Variants in ABCA7 observed in about 807,000 individuals in gnomAD.
The protein encoded by ABCA7 is phospholipid-transporting ATPase ABCA7.
Under a neutral mutation model 227.6 loss-of-function variants are expected in ABCA7, and 261 were observed. The observed-to-expected ratio is 1.15, with a 90% CI of 1.04 to 1.27. ABCA7 has a LOEUF of 1.27. Ranked by LOEUF, ABCA7 falls within the 50% of genes most tolerant of loss-of-function variation. The pLI is 0.00. For missense variants in ABCA7, 3,331 were observed against 2,924.5 expected, an observed-to-expected ratio of 1.14 and a Z score of -3.21; for synonymous variants, 1,488 against 1,279.7, an observed-to-expected ratio of 1.16 and a Z score of -3.47.
chr19:1,044,322 A>T (rs1271400601), intron 10 of ABCA7, among the ~76,000 whole-genome samples: 1 of 141,456 alleles, frequency 7.1e-6, no homozygotes, highest in Non-Finnish European at 1.5e-5. Flanking sequence ...ATCTTGGCTC[A>T]CTGCAACCTC....
In ABCA7 at chr19:1,062,229, T is replaced by C; in HGVS notation, c.5628T>C (p.Asp1876=). The C allele has an allele frequency of 1.9e-6, 3 of 1,612,394 alleles. No homozygotes were observed. The highest frequency in any genetic ancestry group is 2.5e-6 in the Non-Finnish European group (3 of 1,179,808). The part of the protein sequence containing the change: ...HLSMGYCPQS[D]AIFELLTGRE... ...GCATGGGATACTGCCCTCAATCCGA[T>C]GCCATCTTTGAGCTGCTGACGGGCC... Residue 1876 remains aspartate, a synonymous_variant, in exon 42 of 47, where the codon GAT becomes GAC. Transcript: ENST00000263094.
chr19:1,055,336 G>T lies in ABCA7; in HGVS notation c.4190G>T (p.Arg1397Leu). The change falls in exon 30 of 47, where the codon CGC becomes CTC. Residue 1397 changes from arginine to leucine, a missense_variant. Arg to Leu is a moderately radical substitution (Grantham distance 102). Coordinates refer to ENST00000263094, the MANE Select transcript of ABCA7 (RefSeq NM_019112.4). ...LSDFLVKTYP[R>L]LVRQGLKTKK... ...GACTTCCTGGTCAAGACCTACCCGC[G>T]CCTGGTGCGCCAGGGGTGAGCCATG... The T allele has an allele frequency of 6.3e-7, 1 of 1,589,478 alleles. No homozygotes were observed.
rs776835870 is a variant in ABCA7, at chr19:1,044,646, C to T, written c.1117C>T (p.Leu373=). ...RPGGRDHMEA[L]RSFLDPGSGG... Reference sequence around the variant, plus strand: ...TGGAGGCCGGGACCACATGGAGGCCCTGCGATCCTTTCTGGACCCTGGGAG... The same window carrying T: ...TGGAGGCCGGGACCACATGGAGGCCTTGCGATCCTTTCTGGACCCTGGGAG... The change falls in exon 11 of 47, where the codon CTG becomes TTG. Residue 373 remains leucine, a synonymous_variant. Coordinates refer to ENST00000263094, the MANE Select transcript of ABCA7 (RefSeq NM_019112.4). The T allele has an allele frequency of 1.2e-6, 2 of 1,613,244 alleles. No homozygotes were observed. Among genetic ancestry groups the T allele is most frequent in the Non-Finnish European group, 1.7e-6 (2 of 1,179,968 alleles).
At chr19:1,061,910 C>T (rs766223758) in intron 41 of ABCA7, 22 bp downstream of exon 41, 10 of 1,531,836 alleles carry the variant, frequency 6.5e-6, no homozygotes, top group Non-Finnish European at 8.7e-6. Context: ...CAGGTAGGGT[C>T]AGGGTGGGGC....
rs372069927 is a variant in ABCA7 at position 1,065,140 on chromosome 19, A to G, written c.6254A>G (p.Asp2085Gly). The G allele has an allele frequency of 6.3e-7, 1 of 1,591,330 alleles. No homozygotes were observed. The highest frequency in any genetic ancestry group is 1.1e-5 in the South Asian group (1 of 89,424). Reference protein sequence around the residue: ...AVHGAEHGVEDFSVSQTMLEE... With the variant: ...AVHGAEHGVEGFSVSQTMLEE... ...CACGGCGCAGAGCACGGCGTGGAGG[A>G]CTTTTCCGTGAGCCAGACGATGCTG... is the stretch of plus-strand genomic sequence containing the variant. Residue 2085 changes from aspartate to glycine, a missense_variant, in exon 46 of 47, where the codon GAC (aspartate) becomes GGC (glycine). Coordinates refer to ENST00000263094, the MANE Select transcript of ABCA7 (RefSeq NM_019112.4).
intron 23 of ABCA7, among the ~76,000 whole-genome samples, chr19:1,053,084 G>A (rs1002000025): frequency 6.6e-5 from 10 of 152,178 alleles, no homozygotes; most frequent in African/African-American, 2.4e-4. Flanking sequence ...GGTAGAAATG[G>A]GGTTTCACCA....
At position 1,059,059 on chromosome 19, in the gene ABCA7, T is replaced by C; in HGVS notation, c.5437T>C (p.Leu1813=). The C allele has an allele frequency of 6.2e-7, 1 of 1,613,720 alleles. No individual in the cohort carries two copies. The highest frequency in any genetic ancestry group is 8.5e-7 in the Non-Finnish European group (1 of 1,179,948). ...RGQRMPAVDR[L]CLGIPPGECF... is the part of the protein sequence containing the mutation. ...GCAGAGGATGCCAGCTGTTGACCGCTTGTGCCTGGGGATTCCCCCTGGTGA... is the reference window on the plus strand; with the variant it reads ...GCAGAGGATGCCAGCTGTTGACCGCCTGTGCCTGGGGATTCCCCCTGGTGA... Residue 1813 remains leucine (L), a synonymous_variant, in exon 40 of 47, where the codon TTG becomes CTG. Coordinates refer to ENST00000263094, the MANE Select transcript of ABCA7 (RefSeq NM_019112.4).
intron 30 of ABCA7, 134 bp from the exon 31 acceptor site, chr19:1,055,773 A>T: frequency 1.1e-6 from 1 of 910,638 alleles, no homozygotes; most frequent in Non-Finnish European, 1.6e-6. Context: ...AAGTGTTGGG[A>T]TTACAGGCAG....
intron 42 of ABCA7, 148 bp downstream of exon 42, chr19:1,062,461 C>T (rs954228420): frequency 3.1e-6 from 4 of 1,289,668 alleles, no homozygotes; most frequent in Non-Finnish European, 2.1e-6. Context: ...CCCTATACCT[C>T]TGTCCCCCAT....
chr19:1,050,425 T>C (rs570799140), intron 18 of ABCA7, among the ~76,000 whole-genome samples: 70 of 136,100 alleles, frequency 5.1e-4, no homozygotes, highest in African/African-American at 1.9e-3. Context: ...AAAATAAAAA[T>C]AAACAAATAA....
In ABCA7 at chr19:1,065,119, G is replaced by T; in HGVS notation, c.6233G>T (p.Gly2078Val). 6.3e-7 allele frequency: 1 copy of T among 1,589,798 alleles called. No homozygotes were observed. The highest frequency in any genetic ancestry group is 2.3e-5 in the East Asian group (1 of 43,694). ...ARVFGELAVH[G>V]AEHGVEDFSV... ...GTCTTTGGAGAGCTGGCGGTGCACG[G>T]CGCAGAGCACGGCGTGGAGGACTTT... Residue 2078 changes from glycine (G) to valine (V), a missense_variant, in exon 46 of 47, where the codon GGC becomes GTC. Physicochemically the swap from Gly to Val is moderately radical, Grantham distance 109 (BLOSUM62 -3). Transcript: ENST00000263094.
At position 1,042,397 on chromosome 19, in the gene ABCA7, G is replaced by C. The variant is rs369528566; in HGVS notation, c.498G>C (p.Thr166=). 56 of 1,610,406 alleles carry C rather than the reference G, an allele frequency of 3.5e-5. No homozygotes were observed. Among genetic ancestry groups the C allele is most frequent in the East Asian group, 2.0e-4 (9 of 44,752 alleles). ...VAELLTSLLR[T]ESLGLALGQA... ...AGCTGCTGACGTCACTGCTGCGCAC[G>C]GTAGGGTGTCGGGGCGGGACCGCGC... The change falls in exon 6 of 47, where the codon ACG becomes ACC. Residue 166 remains threonine, a splice_region_variant and synonymous_variant. Coordinates refer to ENST00000263094, the MANE Select transcript of ABCA7 (RefSeq NM_019112.4).
chr19:1,047,187 G>T lies in ABCA7; in HGVS notation c.1876G>T (p.Gly626Cys). Residue 626 changes from glycine to cysteine, a missense_variant, in exon 15 of 47, where the codon GGC becomes TGC. By Grantham distance (159) the Gly-to-Cys change is radical. Transcript: ENST00000263094. ...AGACATCCTCCCCTACAGCCACCCG[G>T]GCGTGGTCTTCCTGTTCTTGGCAGC... ...LGDILPYSHPGVVFLFLAAFA... is the reference protein window; with the variant it reads ...LGDILPYSHPCVVFLFLAAFA... The T allele has an allele frequency of 1.2e-6, 2 of 1,605,468 alleles. No individual in the cohort carries two copies. The highest frequency in any genetic ancestry group is 1.7e-6 in the Non-Finnish European group (2 of 1,177,846).
chr19:1,059,124 G>T, intron 40 of ABCA7, 39 bp downstream of exon 40: 1 of 1,598,476 alleles, frequency 6.3e-7, no homozygotes, highest in Non-Finnish European at 8.5e-7. Context: ...GGGACAGTGA[G>T]TGGCTGCCCT....
Position 1,043,198 on chromosome 19 carries a change from T to A in ABCA7, c.737T>A (p.Leu246Gln), listed in dbSNP as rs531020536. The A allele has an allele frequency of 5.6e-6, 9 of 1,608,996 alleles. No individual in the cohort carries two copies. In the East Asian group the frequency reaches 1.6e-4, roughly 28 times the overall value. ...PSLNWYEASD[L>Q]MELVGQEPES... ...CTCAACTGGTACGAGGCTAGTGACC[T>A]GATGGAGCTGGTGGGGCAGGAGCCA... The change falls in exon 8 of 47, where the codon CTG becomes CAG. Residue 246 changes from leucine to glutamine, a missense_variant. By Grantham distance (113) the Leu-to-Gln change is moderately radical. Coordinates refer to ENST00000263094, the MANE Select transcript of ABCA7 (RefSeq NM_019112.4).
In ABCA7 at chr19:1,056,886, C is replaced by G. The variant is rs368796002; in HGVS notation, c.4587-21C>G. The G allele has an allele frequency of 1.2e-6, 2 of 1,608,230 alleles. No homozygotes were observed. Among genetic ancestry groups the G allele is most frequent in the Non-Finnish European group, 1.7e-6 (2 of 1,176,350 alleles). ...CCCATGCACCCTCACCCTACAACAG[C>G]TCTCATGTCTTCACCTCCAGGATGG... On this transcript the variant is annotated intron_variant, in intron 33 of 46. Transcript: ENST00000263094. This position sits in a 1 kb window ranked among gnomAD's most constrained non-coding sequence, Gnocchi z 4.3.
rs546030917 is a variant in ABCA7 at position 1,055,152 on chromosome 19, T to C, written c.4006T>C (p.Trp1336Arg). 5.8e-5 allele frequency: 94 copies of C among 1,612,912 alleles called. No individual in the cohort carries two copies. In the Middle Eastern group the frequency reaches 2.6e-3, roughly 45 times the overall value. ...EVAKVLASGN[W>R]TPESPSPACQ... ...GGCCAAGGTCTTGGCCAGTGGCAACTGGACCCCAGAGTCTCCATCCCCAGC... is the reference window on the plus strand; with the variant it reads ...GGCCAAGGTCTTGGCCAGTGGCAACCGGACCCCAGAGTCTCCATCCCCAGC... The change falls in exon 30 of 47, where the codon TGG becomes CGG. Residue 1336 changes from tryptophan (W) to arginine (R), a missense_variant. Transcript: ENST00000263094.
chr19:1,062,371 T>C (rs34606911), intron 42 of ABCA7, 58 bp downstream of exon 42: 528,947 of 1,579,334 alleles, frequency 0.33, 92,057 homozygotes, highest in Middle Eastern at 0.4. Context: ...ACCCAGGCCG[T>C]GCCTCTAAAG....
In ABCA7 at chr19:1,056,253, G is replaced by A. The variant is rs562904113; in HGVS notation, c.4416+10G>A. 22 of 1,588,180 alleles carry A rather than the reference G, an allele frequency of 1.4e-5. No homozygotes were observed. The Admixed American group carries it at 3.2e-4, about 23-fold the overall frequency. On this transcript the variant is annotated intron_variant, in intron 32 of 46. Transcript: ENST00000263094. This position sits in a 1 kb window ranked among gnomAD's most constrained non-coding sequence, Gnocchi z 4.3. ...TCAGGACAGTCTCAAGGTGGGAACT[G>A]GGGGGGCAGGTGGGCGTCCTGTCAC...
Sources: allele counts gnomAD v4.1 joint callset (sites outside exome capture counted in the v4.1 genomes callset), GRCh38; gene constraint gnomAD v4.1.1; non-coding constraint Gnocchi (gnomAD v3.1); transcripts MANE v1.5; gene names NCBI Gene and HGNC (gene_info 2026-07-23, HGNC 2026-07-21).